MCPH1: variants seen among roughly 807,000 people sequenced by gnomAD.
MCPH1 encodes the protein microcephalin.
In MCPH1, 104 loss-of-function variants were observed where a neutral mutation model predicts 84.5. The ratio of observed to expected loss-of-function variants is 1.23; its 90% CI spans 1.05 to 1.45. The LOEUF (loss-of-function observed/expected upper bound fraction) is 1.45. Among genes scored for constraint, MCPH1 ranks in the 40% most tolerant of loss-of-function variants. The probability of loss-of-function intolerance (pLI) is 0.00; values close to 1 mark genes in which losing one functional copy is unlikely to be tolerated. For missense variants in MCPH1, 1,498 were observed against 1,005.7 expected (o/e 1.49, Z -6.62); for synonymous variants, 514 against 366.8 (o/e 1.40, Z -4.58).
intron 13 of MCPH1, among the ~76,000 whole-genome samples, chr8:6,623,033 T>TTTTG (rs1831635001): frequency 6.9e-6 from 1 of 144,458 alleles, no homozygotes; most frequent in African/African-American, 2.7e-5. Flanking sequence ...TTTTTTTTTT[T>TTTTG]GTAGAGATGG....
intron 10 of MCPH1, among the ~76,000 whole-genome samples, chr8:6,479,923 A>G (rs772913019): frequency 7.9e-5 from 12 of 152,178 alleles, no homozygotes; most frequent in Non-Finnish European, 1.6e-4. Flanking sequence ...TTTAATAAAA[A>G]GGGTCTTTTT....
intron 8 of MCPH1, chr8:6,446,053 T>C (rs1427045584): frequency 1.0e-6 from 1 of 980,744 alleles, no homozygotes; most frequent in African/African-American, 1.7e-5. Context: ...GAAGAAACTT[T>C]GGTCAGTGTT....
intron 12 of MCPH1, among the ~76,000 whole-genome samples, chr8:6,552,968 T>C (rs1202706325): frequency 6.6e-6 from 1 of 152,234 alleles, no homozygotes; most frequent in African/African-American, 2.4e-5. Context: ...AGAAGGGCTG[T>C]GCAGGTAGAG....
intron 3 of MCPH1, among the ~76,000 whole-genome samples, chr8:6,428,929 C>T (rs1801449184): frequency 6.6e-6 from 1 of 152,202 alleles, no homozygotes; most frequent in Non-Finnish European, 1.5e-5. Context: ...AATACTGTGG[C>T]CGTATTGCTG....
intron 9 of MCPH1, among the ~76,000 whole-genome samples, chr8:6,471,555 C>A (rs1807713572): frequency 6.6e-6 from 1 of 151,988 alleles, no homozygotes; most frequent in East Asian, 1.9e-4. Flanking sequence ...CTTATGTATC[C>A]AGAATATAGA....
chr8:6,472,211 A>G (rs1489905331), intron 9 of MCPH1, among the ~76,000 whole-genome samples: 6 of 152,240 alleles, frequency 3.9e-5, no homozygotes, highest in Non-Finnish European at 8.8e-5. Flanking sequence ...TGCCAAGCAT[A>G]TAATTAGAAT....
intron 12 of MCPH1, among the ~76,000 whole-genome samples, chr8:6,594,859 G>A (rs1012374166): frequency 5.3e-5 from 8 of 152,188 alleles, no homozygotes; most frequent in African/African-American, 1.9e-4. Flanking sequence ...AGCACACCAG[G>A]CTGGGGAGGA....
intron 12 of MCPH1, chr8:6,616,814 T>A (rs1469698427): frequency 6.6e-6 from 1 of 152,248 alleles, no homozygotes; most frequent in Non-Finnish European, 1.5e-5. Context: ...GGAGGCCACT[T>A]AACCCTGGAG....
rs540326260 is a variant in MCPH1 at position 6,425,227 on chromosome 8, G to C, written c.234-6272G>C. Among the ~76,000 whole-genome samples, 6 of 152,334 alleles carry C rather than the reference G, an allele frequency of 3.9e-5. No individual in the cohort carries two copies. The South Asian group carries it at 6.2e-4, about 16-fold the overall frequency. On this transcript the variant is annotated intron_variant, in intron 3 of 13. Transcript: ENST00000344683. ...TTTGATTTCTGTTGGCTCTGAGGCAGCAGCAGGTCAAATAGTTGGTTCTCT... is the reference window on the plus strand; with the variant it reads ...TTTGATTTCTGTTGGCTCTGAGGCACCAGCAGGTCAAATAGTTGGTTCTCT...
At chr8:6,512,611 C>T (rs1586254475) in intron 12 of MCPH1, among the ~76,000 whole-genome samples, 1 of 152,204 alleles carries the variant, frequency 6.6e-6, no homozygotes, top group African/African-American at 2.4e-5. Context: ...CCGTTGCACA[C>T]ACATTTCGGA....
At chr8:6,567,889 C>T (rs199882151) in intron 12 of MCPH1, among the ~76,000 whole-genome samples, 2 of 152,336 alleles carry the variant, frequency 1.3e-5, no homozygotes, top group East Asian at 3.9e-4. Flanking sequence ...TACAGGTTCC[C>T]AAAATCCACC....
chr8:6,546,105 C>G (rs1822535553), intron 12 of MCPH1, among the ~76,000 whole-genome samples: 2 of 152,216 alleles, frequency 1.3e-5, no homozygotes, highest in Non-Finnish European at 2.9e-5. Flanking sequence ...CATCACATTT[C>G]TGGTTGGTAA....
At chr8:6,475,271 T>G (rs150925138) in intron 9 of MCPH1, among the ~76,000 whole-genome samples, 1 of 152,312 alleles carries the variant, frequency 6.6e-6, no homozygotes, top group East Asian at 1.9e-4. Flanking sequence ...AGGGTGCAAG[T>G]GTTTACTTGG....
intron 12 of MCPH1, among the ~76,000 whole-genome samples, chr8:6,529,607 C>G (rs1819061964): frequency 1.3e-5 from 2 of 150,080 alleles, no homozygotes; most frequent in Admixed American, 6.7e-5. Context: ...TAAGTGCACA[C>G]AAGCACGCCT....
chr8:6,407,663 G>A (rs1402865513), intron 1 of MCPH1, among the ~76,000 whole-genome samples: 1 of 152,172 alleles, frequency 6.6e-6, no homozygotes, highest in Non-Finnish European at 1.5e-5. Flanking sequence ...TTTTTCTAAT[G>A]TTAGTATTTT....
rs138666832 is a variant in MCPH1 at position 6,549,684 on chromosome 8, C to T, written c.2214+49755C>T. ...GCTGCCTGCAGGGGAAGAAGCCTTC[C>T]GTATCGAGCTGGGCGGTCATTACAC... On this transcript the variant is annotated intron_variant, in intron 12 of 13. Transcript: ENST00000344683. 3.8e-3 allele frequency among the ~76,000 whole-genome samples: 503 copies of T among 134,038 alleles called. 5 individuals are homozygous for T. The highest frequency in any genetic ancestry group is 5.6e-3 in the Non-Finnish European group (361 of 64,072). 87.9% of individuals were successfully genotyped at this position (134,038 alleles called of 152,430 possible).
rs1807237400 is a variant in MCPH1 at position 6,468,214 on chromosome 8, C to A, written c.1936-9380C>A. Among the ~76,000 whole-genome samples, 5 of 152,172 alleles carry A rather than the reference C, an allele frequency of 3.3e-5. No individual in the cohort carries two copies. In the South Asian group the frequency reaches 1.0e-3, roughly 32 times the overall value. ...TCTTGGGCTCTGTGGCTTCTCTCCT[C>A]CTGCCACTGCCCCTTATTGTGGGTA... On this transcript the variant is annotated intron_variant, in intron 9 of 13. Coordinates refer to ENST00000344683, the MANE Select transcript of MCPH1 (RefSeq NM_024596.5).
At chr8:6,559,921 T>A (rs1482446919) in intron 12 of MCPH1, among the ~76,000 whole-genome samples, 1 of 152,228 alleles carries the variant, frequency 6.6e-6, no homozygotes, top group Non-Finnish European at 1.5e-5. Flanking sequence ...ATTGTTCCAT[T>A]CATATTCCTC....
chr8:6,530,972 G>C (rs1819394846), intron 12 of MCPH1, among the ~76,000 whole-genome samples: 1 of 151,744 alleles, frequency 6.6e-6, no homozygotes, highest in Admixed American at 6.6e-5. Context: ...ATAATATGGA[G>C]TGGGGATTGT....
Sources: gnomAD v4.1 joint callset for allele counts (sites outside exome capture counted in the v4.1 genomes callset) on GRCh38, gnomAD v4.1.1 for gene constraint, MANE v1.5 for transcripts, NCBI Gene and HGNC (gene_info 2026-07-23, HGNC 2026-07-21) for gene names.